Variants in HSPA8 observed in about 807,000 individuals in gnomAD.
HSPA8 encodes the protein heat shock protein family A (Hsp70) member 8, also known as heat shock cognate 71 kDa protein.
A neutral mutation model predicts 52.8 loss-of-function variants in HSPA8; 2 were observed. The ratio of observed to expected loss-of-function variants is 0.04; its 90% CI spans 0.02 to 0.12. HSPA8 has a LOEUF of 0.12. HSPA8 is among the 10% of genes least tolerant of loss of function. The pLI, the probability that HSPA8 is intolerant of heterozygous loss-of-function variation, is 1.00. For synonymous variants in HSPA8, 436 were observed against 274.0 expected, an observed-to-expected ratio of 1.59 and a Z score of -5.84; for missense variants, 349 against 800.5, an observed-to-expected ratio of 0.44 and a Z score of 6.81.
At chr11:123,058,102 T>C (rs1865364368) in intron 8 of HSPA8, 150 bp downstream of exon 8, 2 of 711,750 alleles carry the variant, frequency 2.8e-6, no homozygotes, top group South Asian at 1.9e-5. Context: ...AGGAAGGTAG[T>C]TGCCAACACC....
chr11:123,059,816 A>G lies in HSPA8; in HGVS notation c.777T>C (p.Ala259=). 2 of 1,613,774 alleles carry G rather than the reference A, an allele frequency of 1.2e-6. No individual in the cohort carries two copies. Among genetic ancestry groups the G allele is most frequent in the Non-Finnish European group, 1.7e-6 (2 of 1,179,846 alleles). Reference sequence around the variant, plus strand: ...CACAAGCAGTACGGAGGCGTCTTACAGCTCTCTTGTTCTCACTGATGTCCT... The same window carrying G: ...CACAAGCAGTACGGAGGCGTCTTACGGCTCTCTTGTTCTCACTGATGTCCT... ...HKKDISENKR[A]VRRLRTACER... is the part of the protein sequence containing the mutation. The change falls in exon 5 of 9, where the codon GCT becomes GCC. Residue 259 remains alanine, a synonymous_variant. Coordinates refer to ENST00000534624, the MANE Select transcript of HSPA8 (RefSeq NM_006597.6).
At chr11:123,059,009 T>A in intron 6 of HSPA8, 50 bp downstream of exon 6, 1 of 1,530,914 alleles carries the variant, frequency 6.5e-7, no homozygotes, top group Non-Finnish European at 9.0e-7. Context: ...AGTCAAGACT[T>A]CCCTTTATCT....
Position 123,058,373 on chromosome 11 carries a change from T to C in HSPA8, c.1634A>G (p.Tyr545Cys), listed in dbSNP as rs769269163. ...KVSSKNSLES[Y>C]AFNMKATVED... ...AACAGTTGCTTTCATGTTGAAGGCA[T>C]AGGACTCAAGTGAATTCTTGGATGA... The change falls in exon 8 of 9, where the codon TAT (tyrosine) becomes TGT (cysteine). Residue 545 changes from tyrosine to cysteine, a missense_variant. Physicochemically the swap from Tyr to Cys is radical, Grantham distance 194. Coordinates refer to ENST00000534624, the MANE Select transcript of HSPA8 (RefSeq NM_006597.6). 1.2e-6 allele frequency: 2 copies of C among 1,613,646 alleles called. No individual in the cohort carries two copies. Among genetic ancestry groups the C allele is most frequent in the South Asian group, 1.1e-5 (1 of 91,064 alleles).
chr11:123,059,413 A>C (rs747945694), intron 5 of HSPA8, 60 bp downstream of exon 5: 1 of 1,465,926 alleles, frequency 6.8e-7, no homozygotes, highest in Non-Finnish European at 9.4e-7. Flanking sequence ...ACAATCACTC[A>C]TCACAGCGAG....
chr11:123,059,618 T>C lies in HSPA8; in HGVS notation c.975A>G (p.Lys325=), dbSNP rs1865433528. The C allele has an allele frequency of 6.2e-7, 1 of 1,614,160 alleles. No individual in the cohort carries two copies. Among genetic ancestry groups the C allele is most frequent in the Non-Finnish European group, 8.5e-7 (1 of 1,180,020 alleles). The change falls in exon 5 of 9, where the codon AAA becomes AAG. Residue 325 remains lysine (K), a synonymous_variant. Transcript: ENST00000534624. ...DPVEKALRDA[K]LDKSQIHDIV... is the part of the protein sequence containing the mutation. ...TATCATGAATCTGTGACTTGTCTAG[T>C]TTGGCATCTCGAAGGGCTTTCTCTA...
At chr11:123,058,539 C>T in intron 7 of HSPA8, 55 bp from the exon 8 acceptor site, 1 of 1,579,476 alleles carries the variant, frequency 6.3e-7, no homozygotes, top group South Asian at 1.1e-5. Flanking sequence ...GTATGTGTAA[C>T]TCTAGTTTCT....
rs1445178940 is a variant in HSPA8 at position 123,060,266 on chromosome 11, A to C, written c.414T>G (p.Thr138=). ...KEIAEAYLGK[T]VTNAVVTVPA... is the part of the protein sequence containing the mutation. ...GCACTGTGACCACAGCATTGGTAAC[A>C]GTCTAGGAATAAGGAAAAGACCACA... Residue 138 remains threonine (T), a splice_region_variant and synonymous_variant, in exon 4 of 9, where the codon ACT becomes ACG. Transcript: ENST00000534624. 6.2e-7 allele frequency: 1 copy of C among 1,613,168 alleles called. No individual in the cohort carries two copies. Among genetic ancestry groups the C allele is most frequent in the East Asian group, 2.2e-5 (1 of 44,894 alleles).
In HSPA8 at chr11:123,058,456, A is replaced by G. The variant is rs536065122; in HGVS notation, c.1551T>C (p.Arg517=). ...TGTACTTCTCAGCTTCCTGGACCAT[A>G]CGTTCAATGTCTTCCTTGCTCAAAC... is the stretch of plus-strand genomic sequence containing the variant. ...KGRLSKEDIE[R]MVQEAEKYKA... The change falls in exon 8 of 9, where the codon CGT becomes CGC. Residue 517 remains arginine, a synonymous_variant. Transcript: ENST00000534624. The G allele has an allele frequency of 6.2e-7, 1 of 1,614,056 alleles. No homozygotes were observed. The highest frequency in any genetic ancestry group is 1.7e-5 in the Admixed American group (1 of 60,006).
At position 123,061,325 on chromosome 11, in the gene HSPA8, G is replaced by A. The variant is rs774277451; in HGVS notation, c.-1C>T. The A allele has an allele frequency of 2.5e-6, 4 of 1,611,780 alleles. No homozygotes were observed. In the South Asian group the frequency reaches 4.4e-5, roughly 18 times the overall value. The stretch of plus-strand genomic sequence containing the variant: ...TACCAACTGCAGGTCCCTTGGACAT[G>A]GTTGCTGAAAAAAAGAAAAATCTGG... On this transcript the variant is annotated 5_prime_UTR_variant, in exon 2 of 9. Coordinates refer to ENST00000534624, the MANE Select transcript of HSPA8 (RefSeq NM_006597.6).
rs771376397 is a variant in HSPA8 at position 123,058,696 on chromosome 11, G to A, written c.1458C>T (p.Leu486=). ...TACTCTTGTCCACAGCAGAGACATT[G>A]AGTATACCATTGGCATCAATGTCAA... ...VTFDIDANGI[L]NVSAVDKSTG... is the part of the protein sequence containing the mutation. The change falls in exon 7 of 9, where the codon CTC becomes CTT. Residue 486 remains leucine, a synonymous_variant. Transcript: ENST00000534624. 11 of 1,613,700 alleles carry A rather than the reference G, an allele frequency of 6.8e-6. No homozygotes were observed. In the East Asian group the frequency reaches 2.2e-4, roughly 33 times the overall value.
At chr11:123,061,603 G>A (rs948287823) in intron 1 of HSPA8, 26 of 488,612 alleles carry the variant, frequency 5.3e-5, no homozygotes, top group African/African-American at 7.7e-5. Flanking sequence ...ACTGAGCACT[G>A]TCTGTTCCCC....
intron 3 of HSPA8, 142 bp downstream of exon 3, chr11:123,060,451 C>A: frequency 3.4e-6 from 3 of 890,894 alleles, no homozygotes; most frequent in Non-Finnish European, 3.6e-6. Flanking sequence ...ACCTAGAGAG[C>A]CTAGGGCACT....
At chr11:123,059,328 C>A (rs1211321706) in intron 5 of HSPA8, 67 bp from the exon 6 acceptor site, 32 of 1,431,170 alleles carry the variant, frequency 2.2e-5, no homozygotes, top group Non-Finnish European at 7.8e-6. Context: ...CCTGTTTTAA[C>A]TATCACTCGC....
chr11:123,059,104 C>T lies in HSPA8; in HGVS notation c.1278G>A (p.Gln426=). ...RNTTIPTKQT[Q]TFTTYSDNQP... is the part of the protein sequence containing the mutation. ...GGTTGTCAGAATAGGTAGTGAAGGT[C>T]TGTGTCTGCTTGGTAGGAATGGTGG... Residue 426 remains glutamine, a synonymous_variant, in exon 6 of 9, where the codon CAG becomes CAA. Coordinates refer to ENST00000534624, the MANE Select transcript of HSPA8 (RefSeq NM_006597.6). 1 of 1,612,344 alleles carries T rather than the reference C, an allele frequency of 6.2e-7. No homozygotes were observed. Among genetic ancestry groups the T allele is most frequent in the Non-Finnish European group, 8.5e-7 (1 of 1,180,016 alleles).
chr11:123,060,340 T>A, intron 3 of HSPA8, 72 bp from the exon 4 acceptor site: 1 of 1,409,386 alleles, frequency 7.1e-7, no homozygotes, highest in Non-Finnish European at 9.9e-7. Context: ...GCAAATGGAT[T>A]AATGCTGGTG....
chr11:123,060,325 C>T, intron 3 of HSPA8, 57 bp from the exon 4 acceptor site: 1 of 1,516,738 alleles, frequency 6.6e-7, no homozygotes, highest in Non-Finnish European at 9.1e-7. Context: ...TATATGCAAA[C>T]TCCAGCAAAT....
chr11:123,059,430 T>G, intron 5 of HSPA8, 43 bp downstream of exon 5: 1 of 1,530,212 alleles, frequency 6.5e-7, no homozygotes, highest in Non-Finnish European at 9.0e-7. Context: ...CGAGTCACCT[T>G]GGGCCTGCCT....
chr11:123,058,002 AG>A (rs1349931944), intron 8 of HSPA8, 83 bp from the exon 9 acceptor site: 9 of 1,141,248 alleles, frequency 7.9e-6, no homozygotes, highest in Non-Finnish European at 1.1e-5. Flanking sequence ...TGATACTAAA[AG>A]TCTGGCGCAA....
In HSPA8 at chr11:123,059,707, A is replaced by T; in HGVS notation, c.886T>A (p.Ser296Thr). The T allele has an allele frequency of 6.2e-7, 1 of 1,613,888 alleles. No individual in the cohort carries two copies. Among genetic ancestry groups the T allele is most frequent in the Non-Finnish European group, 8.5e-7 (1 of 1,179,864 alleles). Residue 296 changes from serine (S) to threonine (T), a missense_variant, in exon 5 of 9, where the codon TCC becomes ACC. By Grantham distance (58) the Ser-to-Thr change is moderately conservative. Coordinates refer to ENST00000534624, the MANE Select transcript of HSPA8 (RefSeq NM_006597.6). The part of the protein sequence containing the change: ...SLYEGIDFYT[S>T]ITRARFEELN... ...TCTTCAAATCGGGCACGGGTAATGGAGGTATAGAAGTCGATTCCTTCATAG... is the reference window on the plus strand; with the variant it reads ...TCTTCAAATCGGGCACGGGTAATGGTGGTATAGAAGTCGATTCCTTCATAG...
Sources: gnomAD v4.1 joint callset for allele counts on GRCh38, gnomAD v4.1.1 for gene constraint, MANE v1.5 for transcripts, NCBI Gene and HGNC (gene_info 2026-07-23, HGNC 2026-07-21) for gene names.